Variants in CLEC16A observed in about 807,000 individuals in gnomAD.
The protein encoded by CLEC16A is protein CLEC16A.
CLEC16A carries 51 observed loss-of-function variants against 109.5 expected under a neutral mutation model. That is an observed-to-expected ratio of 0.47 (90% confidence interval 0.37 to 0.59). The LOEUF is 0.59. Among genes scored for constraint, CLEC16A ranks in the 20% least tolerant of loss-of-function variants. The pLI, the probability that CLEC16A is intolerant of heterozygous loss-of-function variation, is 0.00. For synonymous variants in CLEC16A, 673 were observed against 564.2 expected (o/e 1.19, Z -2.73); for missense variants, 1,339 against 1,394.0 (o/e 0.96, Z 0.63).
intron 19 of CLEC16A, among the ~76,000 whole-genome samples, chr16:11,110,243 C>CT (rs1172295292): frequency 6.6e-6 from 1 of 152,230 alleles, no homozygotes; most frequent in Non-Finnish European, 1.5e-5. Flanking sequence ...CCCAGACCCC[C>CT]TCCAGAGGGT....
chr16:11,044,384 A>G (rs1026813532), intron 16 of CLEC16A, among the ~76,000 whole-genome samples: 1 of 152,240 alleles, frequency 6.6e-6, no homozygotes, highest in African/African-American at 2.4e-5. Flanking sequence ...ATAAACACAT[A>G]TAAATAAATT....
chr16:11,167,345 C>T (rs534691664), intron 23 of CLEC16A, among the ~76,000 whole-genome samples: 3 of 152,290 alleles, frequency 2.0e-5, no homozygotes, highest in East Asian at 3.9e-4. Context: ...ACTGCCTGCA[C>T]CTCTGACTGG....
In CLEC16A at chr16:11,061,027, G is replaced by A. The variant is rs748080477; in HGVS notation, c.2116+5G>A. 6.2e-7 allele frequency: 1 copy of A among 1,602,516 alleles called. No homozygotes were observed. Among genetic ancestry groups the A allele is most frequent in the South Asian group, 1.1e-5 (1 of 90,006 alleles). On this transcript the variant is annotated splice_donor_5th_base_variant and intron_variant, in intron 19 of 23. Transcript: ENST00000409790. Reference sequence around the variant, plus strand: ...CTGATGATGTCCTGGATCTGAGTGAGTTGGCTGCTCTGAGTCACAGCAGGG... The same window carrying A: ...CTGATGATGTCCTGGATCTGAGTGAATTGGCTGCTCTGAGTCACAGCAGGG...
intron 19 of CLEC16A, among the ~76,000 whole-genome samples, chr16:11,068,203 G>T (rs575072441): frequency 1.3e-5 from 2 of 152,178 alleles, no homozygotes; most frequent in African/African-American, 4.8e-5. Context: ...TGAGAACAGC[G>T]ATGCCCAACT....
chr16:10,945,325 A>G (rs560311770), intron 1 of CLEC16A, among the ~76,000 whole-genome samples: 10 of 152,360 alleles, frequency 6.6e-5, no homozygotes, highest in Middle Eastern at 3.4e-3. Flanking sequence ...ACAATTGCTC[A>G]TTAAACGGCA....
At chr16:11,085,892 G>C (rs1027143151) in intron 19 of CLEC16A, among the ~76,000 whole-genome samples, 2 of 152,122 alleles carry the variant, frequency 1.3e-5, no homozygotes, top group East Asian at 3.9e-4. Context: ...GTGCCTGGCC[G>C]GGAATCCCAT....
chr16:11,135,839 C>T (rs1325589286), intron 22 of CLEC16A, among the ~76,000 whole-genome samples: 1 of 152,236 alleles, frequency 6.6e-6, no homozygotes, highest in Non-Finnish European at 1.5e-5. Flanking sequence ...GGCCACACAC[C>T]CCGTGTGCTC....
Position 11,061,012 on chromosome 16 carries a change from C to A in CLEC16A, c.2106C>A (p.Val702=). The A allele has an allele frequency of 6.2e-7, 1 of 1,607,744 alleles. No individual in the cohort carries two copies. The highest frequency in any genetic ancestry group is 1.1e-5 in the South Asian group (1 of 90,546). Residue 702 remains valine, a synonymous_variant, in exon 19 of 24, where the codon GTC becomes GTA. Transcript: ENST00000409790. ...REEDLIKTDD[V]LDLNNSDLIA... ...AGGACCTGATCAAGACTGATGATGT[C>A]CTGGATCTGAGTGAGTTGGCTGCTC...
intron 12 of CLEC16A, 94 bp downstream of exon 12, chr16:11,020,419 T>A (rs2046027940): frequency 7.2e-7 from 1 of 1,387,606 alleles, no homozygotes; most frequent in Non-Finnish European, 9.5e-7. Context: ...GCCTCTTCTG[T>A]CCCTCAGCCC....
At chr16:11,154,565 C>A (rs2054430549) in intron 22 of CLEC16A, among the ~76,000 whole-genome samples, 2 of 152,192 alleles carry the variant, frequency 1.3e-5, no homozygotes, top group Admixed American at 6.5e-5. Context: ...GTGTTGCGTT[C>A]TTTTCTCCAA....
Position 11,143,618 on chromosome 16 carries a change from T to C in CLEC16A, c.2641+17472T>C, listed in dbSNP as rs563968960. 3.6e-4 allele frequency among the ~76,000 whole-genome samples: 54 copies of C among 152,052 alleles called. No homozygotes were observed. The Middle Eastern group carries it at 0.01, about 29-fold the overall frequency. ...TCTGCCGTCCAGCAGATCGTGGGAG[T>C]GTTCCTCAGAGCAGACAGGATAGGG... is the stretch of plus-strand genomic sequence containing the variant. On this transcript the variant is annotated intron_variant, in intron 22 of 23. Transcript: ENST00000409790.
intron 16 of CLEC16A, 83 bp downstream of exon 16, chr16:11,044,155 C>G: frequency 2.6e-6 from 3 of 1,173,146 alleles, no homozygotes; most frequent in Non-Finnish European, 3.6e-6. Context: ...TGCAGATAAA[C>G]GTTATATGTC....
intron 22 of CLEC16A, chr16:11,150,315 T>C (rs1030447221): frequency 5.3e-5 from 8 of 152,242 alleles, no homozygotes; most frequent in Non-Finnish European, 1.5e-5. Flanking sequence ...TAATTCTGTA[T>C]ACCCTGCTGC....
chr16:10,984,021 G>A (rs1489452123), intron 10 of CLEC16A, among the ~76,000 whole-genome samples: 1 of 151,912 alleles, frequency 6.6e-6, no homozygotes, highest in African/African-American at 2.4e-5. Flanking sequence ...TAAGTGAGAT[G>A]AGCATAGTGC....
intron 11 of CLEC16A, among the ~76,000 whole-genome samples, chr16:11,004,736 C>G (rs777654262): frequency 6.6e-6 from 1 of 152,166 alleles, no homozygotes; most frequent in Non-Finnish European, 1.5e-5. Flanking sequence ...CACATTTCAA[C>G]AAGCGTAACC....
In CLEC16A at chr16:11,177,299, G is replaced by T. The variant is rs556477220; in HGVS notation, c.2807-1036G>T. ...CTGGAAGGCAAATGGGCCAGCATGT[G>T]TCTGTAGGATTTTGAAAAGGGCCGG... On this transcript the variant is annotated intron_variant, in intron 23 of 23. Transcript: ENST00000409790. Among the ~76,000 whole-genome samples, 3 of 152,332 alleles carry T rather than the reference G, an allele frequency of 2.0e-5. No individual in the cohort carries two copies. The East Asian group carries it at 5.8e-4, about 29-fold the overall frequency.
intron 19 of CLEC16A, among the ~76,000 whole-genome samples, chr16:11,069,163 T>G (rs910581737): frequency 1.3e-5 from 2 of 152,168 alleles, no homozygotes; most frequent in African/African-American, 4.8e-5. Flanking sequence ...GGTTTCACTC[T>G]GTTGCCCAGG....
Position 11,051,599 on chromosome 16 carries a change from C to T in CLEC16A, c.1953C>T (p.Phe651=), listed in dbSNP as rs199750108. 1.2e-5 allele frequency: 20 copies of T among 1,614,046 alleles called. No individual in the cohort carries two copies. The highest frequency in any genetic ancestry group is 8.3e-5 in the Admixed American group (5 of 60,026). The change falls in exon 18 of 24, where the codon TTC becomes TTT. Residue 651 remains phenylalanine, a synonymous_variant. Transcript: ENST00000409790. The part of the protein sequence containing the change: ...PTGTPLTGID[F]VKRLPCGDVE... Reference sequence around the variant, plus strand: ...GCACGCCACTGACGGGCATTGACTTCGTGAAGCGGCTGCCGTGTGGCGATG... The same window carrying T: ...GCACGCCACTGACGGGCATTGACTTTGTGAAGCGGCTGCCGTGTGGCGATG...
Position 10,990,593 on chromosome 16 carries a change from A to G in CLEC16A, c.1071+7602A>G, listed in dbSNP as rs1395493408. On this transcript the variant is annotated intron_variant, in intron 10 of 23. Transcript: ENST00000409790. The stretch of plus-strand genomic sequence containing the variant: ...ATCCTGGAGAAGCCAATTGGTAACA[A>G]TGGAGTGGGCACAGTGGGCAGGGAT... Among the ~76,000 whole-genome samples, 7 of 152,228 alleles carry G rather than the reference A, an allele frequency of 4.6e-5. No individual in the cohort carries two copies. The East Asian group carries it at 7.7e-4, about 17-fold the overall frequency.
Sources: allele counts gnomAD v4.1 joint callset (sites outside exome capture counted in the v4.1 genomes callset), GRCh38; gene constraint gnomAD v4.1.1; transcripts MANE v1.5; gene names NCBI Gene and HGNC (gene_info 2026-07-23, HGNC 2026-07-21).